EGR3: variants seen among roughly 807,000 people sequenced by gnomAD.
The protein encoded by EGR3 is early growth response protein 3.
A neutral mutation model predicts 22.4 loss-of-function variants in EGR3; 4 were observed. The observed-to-expected ratio is 0.18, with a 90% CI of 0.09 to 0.41. The LOEUF (loss-of-function observed/expected upper bound fraction) is 0.41, where lower values mean the gene tolerates loss of function less well. Among genes scored for constraint, EGR3 ranks in the 10% least tolerant of loss-of-function variants. EGR3 has a pLI of 1.00. For synonymous variants in EGR3, 219 were observed against 226.8 expected (o/e 0.97, Z 0.31); for missense variants, 315 against 541.3 (o/e 0.58, Z 4.15).
In EGR3 at chr8:22,691,066, T is replaced by C. The variant is rs571918724; in HGVS notation, c.571A>G (p.Ile191Val). Reference protein sequence around the residue: ...PALDSNLFPMIPDYNLYHHPN... With the variant: ...PALDSNLFPMVPDYNLYHHPN... Reference sequence around the variant, plus strand: ...TGGTGGTAGAGGTTGTAGTCAGGAATCATGGGGAAGAGATTGCTGTCCAAC... The same window carrying C: ...TGGTGGTAGAGGTTGTAGTCAGGAACCATGGGGAAGAGATTGCTGTCCAAC... The change falls in exon 2 of 2, where the codon ATT becomes GTT. Residue 191 changes from isoleucine to valine, a missense_variant. Physicochemically the swap from Ile to Val is conservative, Grantham distance 29 (BLOSUM62 3). Coordinates refer to ENST00000317216, the MANE Select transcript of EGR3 (RefSeq NM_004430.3). 7 of 1,612,178 alleles carry C rather than the reference T, an allele frequency of 4.3e-6. No homozygotes were observed. The highest frequency in any genetic ancestry group is 5.9e-6 in the Non-Finnish European group (7 of 1,178,656).
chr8:22,692,471 G>A lies in EGR3; in HGVS notation c.154+320C>T. On this transcript the variant is annotated intron_variant, in intron 1 of 1. Coordinates refer to ENST00000317216, the MANE Select transcript of EGR3 (RefSeq NM_004430.3). The surrounding 1 kb of genome is among the most constrained non-coding windows in gnomAD (Gnocchi z 6.2). ...GCGATCGGGCCCCCTGCGTGGTGAG[G>A]GAGAACCCCAGAGCCGCTCGCACCT... 1 of 1,424,872 alleles carries A rather than the reference G, an allele frequency of 7.0e-7. No homozygotes were observed. 88.3% of individuals were successfully genotyped at this position (1,424,872 alleles called of 1,614,324 possible).
rs1021509513 is a variant in EGR3 at position 22,688,968 on chromosome 8, A to G, written c.*1505T>C. The G allele has an allele frequency of 2.6e-5, 4 of 152,542 alleles. No homozygotes were observed. Among genetic ancestry groups the G allele is most frequent in the African/African-American group, 9.7e-5 (4 of 41,384 alleles). The allele number at this position is 152,542 out of a possible 1,614,324, so 9.4% of individuals were successfully genotyped here. A position where few individuals can be genotyped will look rare whatever the true frequency, so the allele number is the denominator to read the frequency against. On this transcript the variant is annotated 3_prime_UTR_variant, in exon 2 of 2. Transcript: ENST00000317216. Reference sequence around the variant, plus strand: ...AAAAAATCCCCATATCTTTGAGGAAATTTTGGACAGAGATGTGTATATGTG... The same window carrying G: ...AAAAAATCCCCATATCTTTGAGGAAGTTTTGGACAGAGATGTGTATATGTG...
chr8:22,691,124 A>G lies in EGR3; in HGVS notation c.513T>C (p.Tyr171=), dbSNP rs1462760032. The change falls in exon 2 of 2, where the codon TAT becomes TAC. Residue 171 remains tyrosine, a synonymous_variant. Coordinates refer to ENST00000317216, the MANE Select transcript of EGR3 (RefSeq NM_004430.3). Reference sequence around the variant, plus strand: ...TGGCCGATTGGTAATCCTGGGGGGAATAGGCGAGCCCGGGATTGCCCTGGG... The same window carrying G: ...TGGCCGATTGGTAATCCTGGGGGGAGTAGGCGAGCCCGGGATTGCCCTGGG... ...HDPQGNPGLA[Y]SPQDYQSAKP... 6.2e-7 allele frequency: 1 copy of G among 1,613,954 alleles called. No individual in the cohort carries two copies. Among genetic ancestry groups the G allele is most frequent in the African/African-American group, 1.3e-5 (1 of 74,912 alleles).
At position 22,688,912 on chromosome 8, in the gene EGR3, G is replaced by A. The variant is rs1047029948; in HGVS notation, c.*1561C>T. The A allele has an allele frequency of 6.6e-6, 1 of 152,644 alleles. No individual in the cohort carries two copies. Among genetic ancestry groups the A allele is most frequent in the East Asian group, 1.9e-4 (1 of 5,202 alleles). 9.5% of individuals were successfully genotyped at this position (152,644 alleles called of 1,614,324 possible). On this transcript the variant is annotated 3_prime_UTR_variant, in exon 2 of 2. Coordinates refer to ENST00000317216, the MANE Select transcript of EGR3 (RefSeq NM_004430.3). Reference sequence around the variant, plus strand: ...AGAAGGTGAGACTGGGTATGGAAAGGAGACACCTCATTCATCCACATGGAT... The same window carrying A: ...AGAAGGTGAGACTGGGTATGGAAAGAAGACACCTCATTCATCCACATGGAT...
At position 22,690,407 on chromosome 8, in the gene EGR3, C is replaced by A; in HGVS notation, c.*66G>T. 7.2e-7 allele frequency: 1 copy of A among 1,381,552 alleles called. No individual in the cohort carries two copies. Among genetic ancestry groups the A allele is most frequent in the South Asian group, 1.3e-5 (1 of 75,046 alleles). 85.6% of individuals were successfully genotyped at this position (1,381,552 alleles called of 1,614,324 possible). On this transcript the variant is annotated 3_prime_UTR_variant, in exon 2 of 2. Coordinates refer to ENST00000317216, the MANE Select transcript of EGR3 (RefSeq NM_004430.3). ...CCTACGCCTCCGTGGCTGGCTTTCCCGCTGCTTTCAGGCTAGCAGCCGGGA... is the reference window on the plus strand; with the variant it reads ...CCTACGCCTCCGTGGCTGGCTTTCCAGCTGCTTTCAGGCTAGCAGCCGGGA...
rs1276865501 is a variant in EGR3 at position 22,688,688 on chromosome 8, C to T, written c.*1785G>A. 6.6e-6 allele frequency: 1 copy of T among 152,630 alleles called. No homozygotes were observed. 9.5% of individuals were successfully genotyped at this position (152,630 alleles called of 1,614,324 possible). A position where few individuals can be genotyped will look rare whatever the true frequency, so the allele number is the denominator to read the frequency against. ...ATTCTGTAAACTCCAGACCTTTGTT[C>T]CTTCTCTCTGGGCAACTTACTGACC... On this transcript the variant is annotated 3_prime_UTR_variant, in exon 2 of 2. Transcript: ENST00000317216.
rs1803955665 is a variant in EGR3 at position 22,691,486 on chromosome 8, C to T, written c.155-4G>A. Reference sequence around the variant, plus strand: ...AGACCGATGTCCATTACATTCTCTGCGGAGAGCGGGGGAGAGAGGGGAGGG... The same window carrying T: ...AGACCGATGTCCATTACATTCTCTGTGGAGAGCGGGGGAGAGAGGGGAGGG... On this transcript the variant is annotated splice_polypyrimidine_tract_variant and splice_region_variant and intron_variant, in intron 1 of 1. Coordinates refer to ENST00000317216, the MANE Select transcript of EGR3 (RefSeq NM_004430.3). 2 of 1,612,364 alleles carry T rather than the reference C, an allele frequency of 1.2e-6. No homozygotes were observed. Among genetic ancestry groups the T allele is most frequent in the Non-Finnish European group, 1.7e-6 (2 of 1,179,208 alleles).
chr8:22,690,387 G>A lies in EGR3; in HGVS notation c.*86C>T. The stretch of plus-strand genomic sequence containing the variant: ...GGAGAGGCCAGGGCGCGGCCCCTAC[G>A]CCTCCGTGGCTGGCTTTCCCGCTGC... On this transcript the variant is annotated 3_prime_UTR_variant, in exon 2 of 2. Coordinates refer to ENST00000317216, the MANE Select transcript of EGR3 (RefSeq NM_004430.3). The A allele has an allele frequency of 8.5e-7, 1 of 1,176,500 alleles. No homozygotes were observed. The highest frequency in any genetic ancestry group is 1.2e-6 in the Non-Finnish European group (1 of 846,864). 72.9% of individuals were successfully genotyped at this position (1,176,500 alleles called of 1,614,324 possible).
In EGR3 at chr8:22,690,381, C is replaced by G. The variant is rs1042249889; in HGVS notation, c.*92G>C. ...GTCCATGGAGAGGCCAGGGCGCGGC[C>G]CCTACGCCTCCGTGGCTGGCTTTCC... is the stretch of plus-strand genomic sequence containing the variant. On this transcript the variant is annotated 3_prime_UTR_variant, in exon 2 of 2. Coordinates refer to ENST00000317216, the MANE Select transcript of EGR3 (RefSeq NM_004430.3). The G allele has an allele frequency of 9.1e-6, 10 of 1,102,942 alleles. No homozygotes were observed. The African/African-American group carries it at 1.6e-4, about 17-fold the overall frequency. The allele number at this position is 1,102,942 out of a possible 1,614,324, so 68.3% of individuals were successfully genotyped here.
At position 22,689,618 on chromosome 8, in the gene EGR3, G is replaced by A. The variant is rs2128744582; in HGVS notation, c.*855C>T. 1 of 152,732 alleles carries A rather than the reference G, an allele frequency of 6.5e-6. No individual in the cohort carries two copies. Among genetic ancestry groups the A allele is most frequent in the African/African-American group, 2.4e-5 (1 of 41,564 alleles). 9.5% of individuals were successfully genotyped at this position (152,732 alleles called of 1,614,324 possible). ...TATTTTAAAAGGCAGGCTCAGCGATGGCTGCTCTTTCTCCCCACAGATCAA... is the reference window on the plus strand; with the variant it reads ...TATTTTAAAAGGCAGGCTCAGCGATAGCTGCTCTTTCTCCCCACAGATCAA... On this transcript the variant is annotated 3_prime_UTR_variant, in exon 2 of 2. Coordinates refer to ENST00000317216, the MANE Select transcript of EGR3 (RefSeq NM_004430.3).
Position 22,692,312 on chromosome 8 carries a change from G to A in EGR3, c.154+479C>T. On this transcript the variant is annotated intron_variant, in intron 1 of 1. Transcript: ENST00000317216. This position sits in a 1 kb window ranked among gnomAD's most constrained non-coding sequence, Gnocchi z 6.2. ...GCAGCGTCGCAGTACCTCTCCCACC[G>A]CGGGGACTCCACGCCGCACATGGCT... 6.6e-7 allele frequency: 1 copy of A among 1,517,426 alleles called. No homozygotes were observed. The highest frequency in any genetic ancestry group is 8.8e-7 in the Non-Finnish European group (1 of 1,138,868). The allele number at this position is 1,517,426 out of a possible 1,614,324, so 94.0% of individuals were successfully genotyped here.
In EGR3 at chr8:22,691,474, T is replaced by A; in HGVS notation, c.163A>T (p.Met55Leu). 6.2e-7 allele frequency: 1 copy of A among 1,613,578 alleles called. No individual in the cohort carries two copies. Among genetic ancestry groups the A allele is most frequent in the Non-Finnish European group, 8.5e-7 (1 of 1,179,810 alleles). Residue 55 changes from methionine to leucine, a missense_variant, in exon 2 of 2, where the codon ATG becomes TTG. Physicochemically the swap from Met to Leu is conservative, Grantham distance 15 (BLOSUM62 2). Coordinates refer to ENST00000317216, the MANE Select transcript of EGR3 (RefSeq NM_004430.3). ...TTCTCGTTGGTCAGACCGATGTCCA[T>A]TACATTCTCTGCGGAGAGCGGGGGA... ...HYNQMATENV[M>L]DIGLTNEKPN...
rs780490011 is a variant in EGR3 at position 22,690,493 on chromosome 8, CG to C, written c.1143del (p.Val382TrpfsTer26). On this transcript the variant is annotated frameshift_variant, in exon 2 of 2. Transcript: ENST00000317216. LOFTEE classifies it high-confidence loss of function. ...GATCCTCAGGCGCAGGTGGTGACCA[CG>C]GGGGCCAGCGACACGGGGGGCGCCG... ...ASSAPPVSLA[P>X]VVTTCA 6.2e-7 allele frequency: 1 copy of C among 1,606,756 alleles called. No homozygotes were observed.
chr8:22,691,793 G>A (rs1194720419), intron 1 of EGR3: 1 of 985,320 alleles, frequency 1.0e-6, no homozygotes, highest in Admixed American at 6.1e-5. Flanking sequence ...TTCCCGAGGT[G>A]GGGCGGGCAG....
Position 22,688,150 on chromosome 8 carries a change from AT to A in EGR3, c.*2322del, listed in dbSNP as rs1803826740. On this transcript the variant is annotated 3_prime_UTR_variant, in exon 2 of 2. Transcript: ENST00000317216. ...TTTTTTTTTTTAAACATGCAGACAT[AT>A]AAAAAATCTGGATAGCACAACCTTT... 6.6e-6 allele frequency: 1 copy of A among 152,354 alleles called. No individual in the cohort carries two copies. The highest frequency in any genetic ancestry group is 1.5e-5 in the Non-Finnish European group (1 of 68,008). 9.4% of individuals were successfully genotyped at this position (152,354 alleles called of 1,614,324 possible). A position where few individuals can be genotyped will look rare whatever the true frequency, so the allele number is the denominator to read the frequency against.
rs1481489376 is a variant in EGR3, at chr8:22,690,156, G to A, written c.*317C>T. ...TGGGCTCCGCCTTCAGTCCCTTGCAGGTCCTTGGCGCGGCCCGGCGGCCCC... is the reference window on the plus strand; with the variant it reads ...TGGGCTCCGCCTTCAGTCCCTTGCAAGTCCTTGGCGCGGCCCGGCGGCCCC... On this transcript the variant is annotated 3_prime_UTR_variant, in exon 2 of 2. Transcript: ENST00000317216. The A allele has an allele frequency of 9.6e-6, 4 of 414,642 alleles. No homozygotes were observed. The highest frequency in any genetic ancestry group is 1.7e-5 in the Non-Finnish European group (4 of 231,462). The allele number at this position is 414,642 out of a possible 1,614,324, so 25.7% of individuals were successfully genotyped here. A position where few individuals can be genotyped will look rare whatever the true frequency, so the allele number is the denominator to read the frequency against.
intron 1 of EGR3, chr8:22,691,758 G>A: frequency 2.0e-6 from 2 of 985,406 alleles, no homozygotes; most frequent in Non-Finnish European, 2.4e-6. Flanking sequence ...ACACACGCGC[G>A]CGCGCGCGAG....
At position 22,689,732 on chromosome 8, in the gene EGR3, C is replaced by G. The variant is rs1478841030; in HGVS notation, c.*741G>C. ...AGCGGCGGCAGCAGCACCGCGTCGGCGGCATCCGAGGCATTTCTCTAAGAA... is the reference window on the plus strand; with the variant it reads ...AGCGGCGGCAGCAGCACCGCGTCGGGGGCATCCGAGGCATTTCTCTAAGAA... On this transcript the variant is annotated 3_prime_UTR_variant, in exon 2 of 2. Coordinates refer to ENST00000317216, the MANE Select transcript of EGR3 (RefSeq NM_004430.3). 1.3e-5 allele frequency: 2 copies of G among 152,678 alleles called. No homozygotes were observed. The highest frequency in any genetic ancestry group is 2.9e-5 in the Non-Finnish European group (2 of 68,110). The allele number at this position is 152,678 out of a possible 1,614,324, so 9.5% of individuals were successfully genotyped here.
In EGR3 at chr8:22,692,681, C is replaced by T. The variant is rs1804011790; in HGVS notation, c.154+110G>A. ...TTTATCTATCCACCCATCCACCCAT[C>T]CATCCATCCATCCATCCATCCATCC... On this transcript the variant is annotated intron_variant, in intron 1 of 1. Coordinates refer to ENST00000317216, the MANE Select transcript of EGR3 (RefSeq NM_004430.3). The surrounding 1 kb of genome is among the most constrained non-coding windows in gnomAD (Gnocchi z 6.2). 26 of 1,324,184 alleles carry T rather than the reference C, an allele frequency of 2.0e-5. No homozygotes were observed. The highest frequency in any genetic ancestry group is 2.4e-5 in the Non-Finnish European group (24 of 983,056). The allele number at this position is 1,324,184 out of a possible 1,614,324, so 82.0% of individuals were successfully genotyped here. A position where few individuals can be genotyped will look rare whatever the true frequency, so the allele number is the denominator to read the frequency against.
Sources: allele counts gnomAD v4.1 joint callset, GRCh38; gene constraint gnomAD v4.1.1; non-coding constraint Gnocchi (gnomAD v3.1); transcripts MANE v1.5; gene names NCBI Gene and HGNC (gene_info 2026-07-23, HGNC 2026-07-21).